Variants in CXCL2 observed in about 807,000 individuals in gnomAD.
The protein encoded by CXCL2 is C-X-C motif chemokine ligand 2, also known as C-X-C motif chemokine 2.
In CXCL2, 12 loss-of-function variants were observed where a neutral mutation model predicts 11.2. The observed-to-expected ratio is 1.08, with a 90% confidence interval of 0.69 to 1.74. The LOEUF (loss-of-function observed/expected upper bound fraction) is 1.74, where lower values mean the gene tolerates loss of function less well. CXCL2 is among the 40% of genes most tolerant of loss of function. CXCL2 has a pLI of 0.00. For synonymous variants in CXCL2, 68 were observed against 61.9 expected (o/e 1.10, Z -0.47); for missense variants, 120 against 137.8 (o/e 0.87, Z 0.65).
intron 3 of CXCL2, among the ~76,000 whole-genome samples, chr4:74,098,223 C>A (rs1578206506): frequency 1.3e-5 from 2 of 152,196 alleles, no homozygotes; most frequent in East Asian, 3.9e-4. Context: ...CACTTCAACC[C>A]TAAACTTTTA....
chr4:74,099,189 G>T lies in CXCL2; in HGVS notation c.-69C>A. 1 of 1,379,954 alleles carries T rather than the reference G, an allele frequency of 7.2e-7. No individual in the cohort carries two copies. Among genetic ancestry groups the T allele is most frequent in the Non-Finnish European group, 9.3e-7 (1 of 1,071,482 alleles). The allele number at this position is 1,379,954 out of a possible 1,614,324, so 85.5% of individuals were successfully genotyped here. A position where few individuals can be genotyped will look rare whatever the true frequency, so the allele number is the denominator to read the frequency against. On this transcript the variant is annotated 5_prime_UTR_variant, in exon 1 of 4. Transcript: ENST00000508487. ...TGGCAAGGAGCTGCCTGTGGCCCGGGCTCTGTGGCTCTCCGAGAACGGCGA... is the reference window on the plus strand; with the variant it reads ...TGGCAAGGAGCTGCCTGTGGCCCGGTCTCTGTGGCTCTCCGAGAACGGCGA...
chr4:74,099,186 C>T lies in CXCL2; in HGVS notation c.-66G>A, dbSNP rs775888628. 3.6e-6 allele frequency: 5 copies of T among 1,403,540 alleles called. No homozygotes were observed. Among genetic ancestry groups the T allele is most frequent in the Non-Finnish European group, 1.8e-6 (2 of 1,083,380 alleles). The allele number at this position is 1,403,540 out of a possible 1,614,324, so 86.9% of individuals were successfully genotyped here. On this transcript the variant is annotated 5_prime_UTR_variant, in exon 1 of 4. Coordinates refer to ENST00000508487, the MANE Select transcript of CXCL2 (RefSeq NM_002089.4). The stretch of plus-strand genomic sequence containing the variant: ...AGCTGGCAAGGAGCTGCCTGTGGCC[C>T]GGGCTCTGTGGCTCTCCGAGAACGG...
rs892211709 is a variant in CXCL2, at chr4:74,099,029, C to T, written c.92G>A (p.Arg31His). 2.7e-6 allele frequency: 4 copies of T among 1,471,828 alleles called. No homozygotes were observed. The highest frequency in any genetic ancestry group is 1.4e-5 in the South Asian group (1 of 72,970). 91.2% of individuals were successfully genotyped at this position (1,471,828 alleles called of 1,614,324 possible). ...AGGGCGCCGGGACCCACCTGCTGCGCGCCGGCTGGCGGCCACCAGGAGCAG... is the reference window on the plus strand; with the variant it reads ...AGGGCGCCGGGACCCACCTGCTGCGTGCCGGCTGGCGGCCACCAGGAGCAG... Reference protein sequence around the residue: ...LLLLLVAASRRAAGAPLATEL... With the variant: ...LLLLLVAASRHAAGAPLATEL... The change falls in exon 1 of 4, where the codon CGC becomes CAC. Residue 31 changes from arginine to histidine, a missense_variant. Arg to His is a conservative substitution (Grantham distance 29). Transcript: ENST00000508487.
rs775888628 is a variant in CXCL2, at chr4:74,099,186, C to G, written c.-66G>C. 13 of 1,403,540 alleles carry G rather than the reference C, an allele frequency of 9.3e-6. No homozygotes were observed. Among genetic ancestry groups the G allele is most frequent in the Non-Finnish European group, 1.2e-5 (13 of 1,083,380 alleles). 86.9% of individuals were successfully genotyped at this position (1,403,540 alleles called of 1,614,324 possible). ...AGCTGGCAAGGAGCTGCCTGTGGCC[C>G]GGGCTCTGTGGCTCTCCGAGAACGG... is the stretch of plus-strand genomic sequence containing the variant. On this transcript the variant is annotated 5_prime_UTR_variant, in exon 1 of 4. Transcript: ENST00000508487.
rs1721341230 is a variant in CXCL2, at chr4:74,098,869, T to C, written c.154A>G (p.Ile52Val). ...RCQCLQTLQGIHLKNIQSVKV... is the reference protein window; with the variant it reads ...RCQCLQTLQGVHLKNIQSVKV... ...ACACTTTGGATGTTCTTGAGGTGAA[T>C]TCCCTGCAGGGTCTGCAAGCACTGG... Residue 52 changes from isoleucine to valine, a missense_variant, in exon 2 of 4, where the codon ATT becomes GTT. Physicochemically the swap from Ile to Val is conservative, Grantham distance 29 (BLOSUM62 3). Transcript: ENST00000508487. 2.5e-6 allele frequency: 4 copies of C among 1,614,162 alleles called. No homozygotes were observed. The highest frequency in any genetic ancestry group is 3.4e-6 in the Non-Finnish European group (4 of 1,180,024).
chr4:74,099,040 G>GCCACCCGCAGC lies in CXCL2; in HGVS notation c.80_81insGCTGCGGGTGG (p.Ala28LeufsTer37). 1 of 1,476,136 alleles carries GCCACCCGCAGC rather than the reference G, an allele frequency of 6.8e-7. No individual in the cohort carries two copies. Among genetic ancestry groups the GCCACCCGCAGC allele is most frequent in the Non-Finnish European group, 9.0e-7 (1 of 1,116,714 alleles). 91.4% of individuals were successfully genotyped at this position (1,476,136 alleles called of 1,614,324 possible). ...ACCCACCTGCTGCGCGCCGGCTGGCGGCCACCAGGAGCAGGAGCAGCAGCG... is the reference window on the plus strand; with the variant it reads ...ACCCACCTGCTGCGCGCCGGCTGGCGCCACCCGCAGCGCCACCAGGAGCAGGAGCAGCAGCG... On this transcript the variant is annotated frameshift_variant, in exon 1 of 4. Coordinates refer to ENST00000508487, the MANE Select transcript of CXCL2 (RefSeq NM_002089.4). LOFTEE classifies it high-confidence loss of function.
At chr4:74,098,567 C>G in intron 3 of CXCL2, 34 bp downstream of exon 3, 1 of 1,606,586 alleles carries the variant, frequency 6.2e-7, no homozygotes, top group Non-Finnish European at 8.5e-7. Flanking sequence ...ACCAACAGCT[C>G]CAGTCGCCTG....
Position 74,098,936 on chromosome 4 carries a change from G to A in CXCL2, c.101-14C>T. 1 of 1,610,858 alleles carries A rather than the reference G, an allele frequency of 6.2e-7. No homozygotes were observed. Among genetic ancestry groups the A allele is most frequent in the Non-Finnish European group, 8.5e-7 (1 of 1,178,904 alleles). On this transcript the variant is annotated splice_polypyrimidine_tract_variant and intron_variant, in intron 1 of 3. Coordinates refer to ENST00000508487, the MANE Select transcript of CXCL2 (RefSeq NM_002089.4). ...CCAGGGGCGCTCCTAGGGAAGAAGA[G>A]ACTCGCTGATTGAGCGGGGCTGTCG...
rs769226365 is a variant in CXCL2, at chr4:74,098,624, T to A, written c.285A>T (p.Lys95Asn). Residue 95 changes from lysine (K) to asparagine (N), a missense_variant, in exon 3 of 4, where the codon AAA becomes AAT. Physicochemically the swap from Lys to Asn is moderately conservative, Grantham distance 94. Coordinates refer to ENST00000508487, the MANE Select transcript of CXCL2 (RefSeq NM_002089.4). ...ACTTTTTCAGCATCTTTTCGATGAT[T>A]TTCTTAACCATGGGCGATGCGGGGT... ...CLNPASPMVK[K>N]IIEKMLKNGK... 6.2e-6 allele frequency: 10 copies of A among 1,614,160 alleles called. No homozygotes were observed. The highest frequency in any genetic ancestry group is 8.5e-6 in the Non-Finnish European group (10 of 1,180,024).
In CXCL2 at chr4:74,099,164, T is replaced by G; in HGVS notation, c.-44A>C. ...CGAGCGGCTGTGCGAGGAGGAGAGC[T>G]GGCAAGGAGCTGCCTGTGGCCCGGG... is the stretch of plus-strand genomic sequence containing the variant. On this transcript the variant is annotated 5_prime_UTR_variant, in exon 1 of 4. Coordinates refer to ENST00000508487, the MANE Select transcript of CXCL2 (RefSeq NM_002089.4). The G allele has an allele frequency of 6.9e-7, 1 of 1,445,890 alleles. No individual in the cohort carries two copies. The highest frequency in any genetic ancestry group is 9.1e-7 in the Non-Finnish European group (1 of 1,103,096). 89.6% of individuals were successfully genotyped at this position (1,445,890 alleles called of 1,614,324 possible).
In CXCL2 at chr4:74,098,855, G is replaced by C. The variant is rs148727820; in HGVS notation, c.168C>G (p.Asn56Lys). 2.7e-4 allele frequency: 433 copies of C among 1,614,100 alleles called. No homozygotes were observed. The highest frequency in any genetic ancestry group is 3.6e-4 in the Non-Finnish European group (424 of 1,180,048). Reference sequence around the variant, plus strand: ...GGGACTTCACCTTCACACTTTGGATGTTCTTGAGGTGAATTCCCTGCAGGG... The same window carrying C: ...GGGACTTCACCTTCACACTTTGGATCTTCTTGAGGTGAATTCCCTGCAGGG... Reference protein sequence around the residue: ...LQTLQGIHLKNIQSVKVKSPG... With the variant: ...LQTLQGIHLKKIQSVKVKSPG... The change falls in exon 2 of 4, where the codon AAC becomes AAG. Residue 56 changes from asparagine (N) to lysine (K), a missense_variant. By Grantham distance (94) the Asn-to-Lys change is moderately conservative (BLOSUM62 0). Transcript: ENST00000508487.
At position 74,097,745 on chromosome 4, in the gene CXCL2, C is replaced by T; in HGVS notation, c.*11G>A. On this transcript the variant is annotated 3_prime_UTR_variant, in exon 4 of 4. Transcript: ENST00000508487. ...GGAACAGCCACCAATAAGCTTCCTC[C>T]TTCCTTCTGGTCAGTTGGATTTGCC... 6.2e-7 allele frequency: 1 copy of T among 1,601,878 alleles called. No homozygotes were observed. Among genetic ancestry groups the T allele is most frequent in the South Asian group, 1.1e-5 (1 of 89,444 alleles).
intron 3 of CXCL2, 55 bp downstream of exon 3, chr4:74,098,546 C>T: frequency 6.4e-7 from 1 of 1,567,158 alleles, no homozygotes; most frequent in Non-Finnish European, 8.8e-7. Context: ...GGGCAGACGC[C>T]AGTATTTCTG....
chr4:74,099,014 G>A lies in CXCL2; in HGVS notation c.100+7C>T. On this transcript the variant is annotated splice_region_variant and intron_variant, in intron 1 of 3. Transcript: ENST00000508487. The stretch of plus-strand genomic sequence containing the variant: ...CGGCCCGGGGACCCCAGGGCGCCGG[G>A]ACCCACCTGCTGCGCGCCGGCTGGC... 6.6e-7 allele frequency: 1 copy of A among 1,525,482 alleles called. No homozygotes were observed. Among genetic ancestry groups the A allele is most frequent in the South Asian group, 1.2e-5 (1 of 80,262 alleles). 94.5% of individuals were successfully genotyped at this position (1,525,482 alleles called of 1,614,324 possible).
chr4:74,098,788 G>A lies in CXCL2; in HGVS notation c.224+11C>T. 5 of 1,613,892 alleles carry A rather than the reference G, an allele frequency of 3.1e-6. No homozygotes were observed. Among genetic ancestry groups the A allele is most frequent in the Non-Finnish European group, 2.5e-6 (3 of 1,179,818 alleles). On this transcript the variant is annotated intron_variant, in intron 2 of 3. Coordinates refer to ENST00000508487, the MANE Select transcript of CXCL2 (RefSeq NM_002089.4). ...CCAGCAGTGGCAGCGGCAGCGATGG[G>A]CGAGACTTACATGACTTCGGTTTGG... is the stretch of plus-strand genomic sequence containing the variant.
chr4:74,097,737 G>T lies in CXCL2; in HGVS notation c.*19C>A. 1 of 1,600,042 alleles carries T rather than the reference G, an allele frequency of 6.2e-7. No individual in the cohort carries two copies. The highest frequency in any genetic ancestry group is 8.5e-7 in the Non-Finnish European group (1 of 1,171,836). ...CTCCTTCAGGAACAGCCACCAATAA[G>T]CTTCCTCCTTCCTTCTGGTCAGTTG... On this transcript the variant is annotated 3_prime_UTR_variant, in exon 4 of 4. Coordinates refer to ENST00000508487, the MANE Select transcript of CXCL2 (RefSeq NM_002089.4).
In CXCL2 at chr4:74,097,132, T is replaced by C. The variant is rs544282338; in HGVS notation, c.*624A>G. The stretch of plus-strand genomic sequence containing the variant: ...TAACACAGAGGGAAACACTGCATAA[T>C]TAACATTAAACAAGGCAGTATGCCT... On this transcript the variant is annotated 3_prime_UTR_variant, in exon 4 of 4. Coordinates refer to ENST00000508487, the MANE Select transcript of CXCL2 (RefSeq NM_002089.4). 3 of 152,330 alleles carry C rather than the reference T, an allele frequency of 2.0e-5. No individual in the cohort carries two copies. The highest frequency in any genetic ancestry group is 7.2e-5 in the African/African-American group (3 of 41,576). The allele number at this position is 152,330 out of a possible 1,614,324, so 9.4% of individuals were successfully genotyped here.
rs1277113065 is a variant in CXCL2 at position 74,098,584 on chromosome 4, T to A, written c.308+17A>T. On this transcript the variant is annotated intron_variant, in intron 3 of 3. Transcript: ENST00000508487. Reference sequence around the variant, plus strand: ...CAACAGCTCCAGTCGCCTGTGTACATGGAAATTATAACTTACTTTTTCAGC... The same window carrying A: ...CAACAGCTCCAGTCGCCTGTGTACAAGGAAATTATAACTTACTTTTTCAGC... The A allele has an allele frequency of 6.2e-7, 1 of 1,613,058 alleles. No individual in the cohort carries two copies. The highest frequency in any genetic ancestry group is 2.2e-5 in the East Asian group (1 of 44,878).
In CXCL2 at chr4:74,098,704, T is replaced by C. The variant is rs748738093; in HGVS notation, c.225-20A>G. On this transcript the variant is annotated intron_variant, in intron 2 of 3. Transcript: ENST00000508487. ...GTGGCTCTGCAGAGAGAAGGGAATCTCGTGAGACAGGAGGTCGGGCTGAGG... is the reference window on the plus strand; with the variant it reads ...GTGGCTCTGCAGAGAGAAGGGAATCCCGTGAGACAGGAGGTCGGGCTGAGG... 6 of 1,614,074 alleles carry C rather than the reference T, an allele frequency of 3.7e-6. No homozygotes were observed. The highest frequency in any genetic ancestry group is 2.2e-5 in the East Asian group (1 of 44,878).
Sources: allele counts gnomAD v4.1 joint callset (sites outside exome capture counted in the v4.1 genomes callset), GRCh38; gene constraint gnomAD v4.1.1; transcripts MANE v1.5; gene names NCBI Gene and HGNC (gene_info 2026-07-23, HGNC 2026-07-21).